Variants in C2CD5 observed in about 807,000 individuals in gnomAD.
C2CD5 encodes C2 calcium dependent domain containing 5, also known as C2 domain-containing protein 5.
Under a neutral mutation model 130.3 loss-of-function variants are expected in C2CD5, and 109 were observed. The ratio of observed to expected loss-of-function variants is 0.84; its 90% CI spans 0.72 to 0.98. C2CD5 has a LOEUF of 0.98. C2CD5 is among the 50% of genes least tolerant of loss of function. The pLI is 0.00. For missense variants in C2CD5, 996 were observed against 1,261.8 expected, an observed-to-expected ratio of 0.79 and a Z score of 3.19; for synonymous variants, 454 against 429.2, an observed-to-expected ratio of 1.06 and a Z score of -0.71.
chr12:22,488,739 C>T (rs796851860), intron 12 of C2CD5, among the ~76,000 whole-genome samples: 8 of 152,194 alleles, frequency 5.3e-5, no homozygotes, highest in African/African-American at 1.9e-4. Context: ...CTCTGGAATT[C>T]ATAATAGTCA....
chr12:22,504,955 C>T (rs1045858899), intron 10 of C2CD5, among the ~76,000 whole-genome samples: 41 of 150,992 alleles, frequency 2.7e-4, no homozygotes, highest in African/African-American at 9.3e-4. Flanking sequence ...AAATAAGAAA[C>T]GGGGGGAAAA....
chr12:22,506,804 T>TA lies in C2CD5; in HGVS notation c.1053dup (p.Thr352TyrfsTer18), dbSNP rs756649658. 1.9e-6 allele frequency: 3 copies of TA among 1,604,022 alleles called. No homozygotes were observed. Among genetic ancestry groups the TA allele is most frequent in the Admixed American group, 1.7e-5 (1 of 59,988 alleles). ...AATCCAGGAGGAAATGCCGTCAAGG[T>TA]AAAAAATGGAAATTCCTAGTGGAAA... On this transcript the variant is annotated frameshift_variant, in exon 10 of 27. Transcript: ENST00000446597. LOFTEE classifies it high-confidence loss of function.
In C2CD5 at chr12:22,474,735, T is replaced by A; in HGVS notation, c.2043+16A>T. 1 of 1,577,006 alleles carries A rather than the reference T, an allele frequency of 6.3e-7. No homozygotes were observed. Among genetic ancestry groups the A allele is most frequent in the Non-Finnish European group, 8.6e-7 (1 of 1,163,486 alleles). The stretch of plus-strand genomic sequence containing the variant: ...GCTTCCAAAACCTTTAAGAAATTAG[T>A]CCAATGCCACATTACCTCCAAAACA... On this transcript the variant is annotated intron_variant, in intron 16 of 26. Transcript: ENST00000446597.
chr12:22,465,602 T>G (rs1047988111), intron 22 of C2CD5, among the ~76,000 whole-genome samples: 6 of 151,884 alleles, frequency 4.0e-5, no homozygotes, highest in Admixed American at 2.0e-4. Flanking sequence ...TCTCGCTGAT[T>G]TTTTTTACTC....
At chr12:22,485,885 C>T (rs1251640677) in intron 12 of C2CD5, among the ~76,000 whole-genome samples, 1 of 151,402 alleles carries the variant, frequency 6.6e-6, no homozygotes, top group African/African-American at 2.4e-5. Flanking sequence ...GGAATCTTCT[C>T]TTCCTTCTAC....
Position 22,517,991 on chromosome 12 carries a change from T to C in C2CD5, c.947A>G (p.Lys316Arg), listed in dbSNP as rs1170252501. The stretch of plus-strand genomic sequence containing the variant: ...GGTGGGTGGAAGCGCCTTACCAGTT[T>C]TGGGTGTCAAACTCAAATCTGTGTC... The part of the protein sequence containing the change: ...SSDTDLSLTP[K>R]TGMGSGSAGK... The change falls in exon 8 of 27, where the codon AAA becomes AGA. Residue 316 changes from lysine to arginine, a missense_variant. Coordinates refer to ENST00000446597, the MANE Select transcript of C2CD5 (RefSeq NM_001286176.2). The C allele has an allele frequency of 6.2e-7, 1 of 1,612,410 alleles. No homozygotes were observed.
chr12:22,478,516 C>T (rs1944209028), intron 14 of C2CD5, 39 bp from the exon 15 acceptor site: 2 of 1,552,438 alleles, frequency 1.3e-6, no homozygotes, highest in Non-Finnish European at 1.8e-6. Flanking sequence ...GAAAAAATAT[C>T]TACAGAATAA....
At chr12:22,454,170 T>G (rs915963354) in intron 25 of C2CD5, 128 bp from the exon 26 acceptor site, 8 of 693,036 alleles carry the variant, frequency 1.2e-5, no homozygotes, top group Middle Eastern at 7.4e-4. Context: ...TAACTTAAAC[T>G]TCCCTCACAA....
chr12:22,512,641 A>G, intron 9 of C2CD5: 1 of 1,486,426 alleles, frequency 6.7e-7, no homozygotes, highest in Non-Finnish European at 8.9e-7. Context: ...TTTTTCAGAA[A>G]CATACCCGCC....
Position 22,457,081 on chromosome 12 carries a change from CTG to C in C2CD5, c.2765_2766del (p.Thr922SerfsTer5). 1 of 1,613,174 alleles carries C rather than the reference CTG, an allele frequency of 6.2e-7. No individual in the cohort carries two copies. The highest frequency in any genetic ancestry group is 8.5e-7 in the Non-Finnish European group (1 of 1,179,424). On this transcript the variant is annotated frameshift_variant, in exon 25 of 27. Transcript: ENST00000446597. LOFTEE classifies it high-confidence loss of function. ...NRSAPPCANSTVGVVKMTPLS... is the reference protein window; with the variant it reads ...NRSAPPCANSXVGVVKMTPLS... ...AGAGGTGTCATCTTAACAACCCCAACTGTGGAATTTGCACAAGGTGGAGCAGA... is the reference window on the plus strand; with the variant it reads ...AGAGGTGTCATCTTAACAACCCCAACTGGAATTTGCACAAGGTGGAGCAGA...
At chr12:22,484,676 G>A in intron 13 of C2CD5, 21 bp downstream of exon 13, 4 of 1,419,378 alleles carry the variant, frequency 2.8e-6, no homozygotes, top group Non-Finnish European at 3.8e-6. Flanking sequence ...GGGACACCGA[G>A]TGTTGTTTTC....
chr12:22,519,111 G>A (rs913828003), intron 7 of C2CD5: 12 of 1,534,570 alleles, frequency 7.8e-6, no homozygotes, highest in Admixed American at 5.9e-5. Context: ...GAGCAGTCTC[G>A]TACCAGTATA....
intron 25 of C2CD5, among the ~76,000 whole-genome samples, 170 bp downstream of exon 25, chr12:22,456,801 G>A (rs897931581): frequency 5.4e-4 from 82 of 152,070 alleles, no homozygotes; most frequent in African/African-American, 2.0e-3. Context: ...CACAATTCTT[G>A]TGATAATCCT....
Position 22,453,980 on chromosome 12 carries a change from A to C in C2CD5, c.2940T>G (p.Ala980=), listed in dbSNP as rs1939258281. 1.2e-6 allele frequency: 2 copies of C among 1,613,544 alleles called. No homozygotes were observed. The highest frequency in any genetic ancestry group is 2.7e-5 in the African/African-American group (2 of 75,006). The part of the protein sequence containing the change: ...FIAEVFAMVR[A]HVAALGGNAV... ...CATTCCCTCCTAATGCAGCAACATG[A>C]GCTCTCACCATTGCAAACACTTCAG... The change falls in exon 26 of 27, where the codon GCT becomes GCG. Residue 980 remains alanine (A), a synonymous_variant. Transcript: ENST00000446597.
intron 7 of C2CD5, among the ~76,000 whole-genome samples, 193 bp downstream of exon 7, chr12:22,523,233 A>G (rs1174442272): frequency 2.0e-5 from 3 of 152,154 alleles, no homozygotes; most frequent in African/African-American, 7.2e-5. Context: ...AAATAAAAAT[A>G]AATAAGACGG....
chr12:22,474,708 TA>T (rs757783197), intron 16 of C2CD5, 42 bp downstream of exon 16: 4 of 1,477,624 alleles, frequency 2.7e-6, no homozygotes, highest in Non-Finnish European at 3.6e-6. Context: ...ATGTGTATCT[TA>T]GCTTCCAAAA....
At chr12:22,540,064 CG>C (rs1952212691) in intron 2 of C2CD5, among the ~76,000 whole-genome samples, 1 of 151,536 alleles carries the variant, frequency 6.6e-6, no homozygotes, top group Non-Finnish European at 1.5e-5. Flanking sequence ...GTATTACAAT[CG>C]GGTTTCAATG....
At chr12:22,508,864 C>T (rs1405921777) in intron 9 of C2CD5, among the ~76,000 whole-genome samples, 5 of 149,022 alleles carry the variant, frequency 3.4e-5, no homozygotes, top group Non-Finnish European at 5.9e-5. Flanking sequence ...AATCTTTATA[C>T]TTAAATCTTT....
intron 3 of C2CD5, 96 bp from the exon 4 acceptor site, chr12:22,527,988 C>T: frequency 1.7e-6 from 1 of 600,686 alleles, no homozygotes; most frequent in Non-Finnish European, 2.6e-6. Context: ...GACACATCTG[C>T]AAATAAAATC....
Sources: allele counts gnomAD v4.1 joint callset (sites outside exome capture counted in the v4.1 genomes callset), GRCh38; gene constraint gnomAD v4.1.1; transcripts MANE v1.5; gene names NCBI Gene and HGNC (gene_info 2026-07-23, HGNC 2026-07-21).